DLC1: variants seen among roughly 807,000 people sequenced by gnomAD.
The protein encoded by DLC1 is rho GTPase-activating protein 7.
Under a neutral mutation model 140.3 loss-of-function variants are expected in DLC1, and 54 were observed. That is an observed-to-expected ratio of 0.38 (90% CI 0.31 to 0.48). The LOEUF (loss-of-function observed/expected upper bound fraction) is 0.48. Ranked by LOEUF, DLC1 falls within the 20% of genes least tolerant of loss-of-function variation. DLC1 has a pLI of 0.96. For missense variants in DLC1, 2,536 were observed against 1,907.0 expected (o/e 1.33, Z -6.14); for synonymous variants, 986 against 728.1 (o/e 1.35, Z -5.70).
chr8:13,334,158 A>G (rs1833720771), intron 4 of DLC1, among the ~76,000 whole-genome samples: 1 of 152,166 alleles, frequency 6.6e-6, no homozygotes, highest in African/African-American at 2.4e-5. Context: ...TGGTGGTGAC[A>G]TTTGAGTTGC....
rs760869910 is a variant in DLC1, at chr8:13,085,899, A to G, written c.4499T>C (p.Phe1500Ser). The part of the protein sequence containing the change: ...GHMPEWYTKS[F>S]GHLCAAEVVK... ...AACTTCAGCTGCACACAAATGTCCA[A>G]AAGATTTTGTGTACCATTCTGGCAT... The change falls in exon 18 of 18, where the codon TTT becomes TCT. Residue 1500 changes from phenylalanine to serine, a missense_variant. Physicochemically the swap from Phe to Ser is radical, Grantham distance 155 (BLOSUM62 -2). Coordinates refer to ENST00000276297, the MANE Select transcript of DLC1 (RefSeq NM_182643.3). 1.2e-6 allele frequency: 2 copies of G among 1,614,194 alleles called. No homozygotes were observed. Among genetic ancestry groups the G allele is most frequent in the Non-Finnish European group, 1.7e-6 (2 of 1,180,038 alleles).
chr8:13,329,132 A>T (rs1833488736), intron 4 of DLC1, among the ~76,000 whole-genome samples: 1 of 152,154 alleles, frequency 6.6e-6, no homozygotes, highest in Non-Finnish European at 1.5e-5. Context: ...AAAGATGAAG[A>T]ATCGAGTCCT....
At chr8:13,348,094 CAAACAAACAAACAAAT>C (rs965350567) in intron 4 of DLC1, among the ~76,000 whole-genome samples, 2 of 99,322 alleles carry the variant, frequency 2.0e-5, no homozygotes, top group African/African-American at 6.8e-5. Flanking sequence ...ATCTCAAAAA[CAAACAAACAAACAAAT>C]AAACAAACAA....
At position 13,273,250 on chromosome 8, in the gene DLC1, A is replaced by C. The variant is rs181215135; in HGVS notation, c.1348+32019T>G. 2.2e-3 allele frequency among the ~76,000 whole-genome samples: 338 copies of C among 152,300 alleles called. 3 individuals carry two copies. Among genetic ancestry groups the C allele is most frequent in the African/African-American group, 7.6e-3 (314 of 41,572 alleles). The stretch of plus-strand genomic sequence containing the variant: ...ATCAAAGGGGAGGGGGTGAGAGCAC[A>C]GAGGAGCTTTAAGAAGGAAGCACAC... On this transcript the variant is annotated intron_variant, in intron 5 of 17. Transcript: ENST00000276297.
At chr8:13,177,760 C>A (rs1488050520) in intron 5 of DLC1, among the ~76,000 whole-genome samples, 3 of 152,034 alleles carry the variant, frequency 2.0e-5, no homozygotes, top group African/African-American at 7.2e-5. Context: ...GGTTCTTGGA[C>A]AGAGAATCAT....
intron 4 of DLC1, 25 bp downstream of exon 4, chr8:13,393,528 C>A: frequency 6.2e-7 from 1 of 1,605,998 alleles, no homozygotes. Context: ...CACGTAGAGA[C>A]TCTCTGTTAT....
At chr8:13,157,538 T>A (rs916628010) in intron 5 of DLC1, among the ~76,000 whole-genome samples, 14 of 152,184 alleles carry the variant, frequency 9.2e-5, no homozygotes, top group African/African-American at 3.4e-4. Context: ...ACACACCTAC[T>A]TTTTATTGGC....
At chr8:13,181,073 T>A (rs28634989) in intron 5 of DLC1, among the ~76,000 whole-genome samples, 1 of 151,868 alleles carries the variant, frequency 6.6e-6, no homozygotes, top group African/African-American at 2.4e-5. Flanking sequence ...TCCCTTCTGT[T>A]ACCTTTCTGG....
intron 5 of DLC1, among the ~76,000 whole-genome samples, chr8:13,234,741 T>C (rs1346835432): frequency 6.6e-6 from 1 of 152,104 alleles, no homozygotes; most frequent in East Asian, 1.9e-4. Flanking sequence ...GATTAAAATT[T>C]GAAGCCACAT....
intron 1 of DLC1, among the ~76,000 whole-genome samples, chr8:13,553,692 A>T (rs2078209610): frequency 6.6e-6 from 1 of 151,774 alleles, no homozygotes; most frequent in Non-Finnish European, 1.5e-5. Context: ...AAATTTTTAA[A>T]AGAGTTCTCT....
At chr8:13,153,526 G>C (rs1326051316) in intron 5 of DLC1, among the ~76,000 whole-genome samples, 2 of 152,192 alleles carry the variant, frequency 1.3e-5, no homozygotes, top group Non-Finnish European at 2.9e-5. Context: ...GCTGGCTCCA[G>C]CAGCCTGCTC....
At chr8:13,431,759 C>T (rs1190960372) in intron 2 of DLC1, among the ~76,000 whole-genome samples, 1 of 151,834 alleles carries the variant, frequency 6.6e-6, no homozygotes, top group Non-Finnish European at 1.5e-5. Context: ...ATCTGTAGGG[C>T]TTGGGAAAGG....
chr8:13,193,045 G>C (rs1257588772), intron 5 of DLC1, among the ~76,000 whole-genome samples: 8 of 152,074 alleles, frequency 5.3e-5, no homozygotes, highest in African/African-American at 1.9e-4. Context: ...CTGTTCCCTT[G>C]TCCCAAACCA....
intron 5 of DLC1, among the ~76,000 whole-genome samples, chr8:13,277,762 T>C (rs529114537): frequency 1.1e-4 from 17 of 152,324 alleles, no homozygotes; most frequent in African/African-American, 3.6e-4. Flanking sequence ...AATATTGGCA[T>C]AAGACATCTA....
intron 1 of DLC1, among the ~76,000 whole-genome samples, chr8:13,551,493 C>G (rs1376988521): frequency 6.6e-6 from 1 of 152,052 alleles, no homozygotes. Flanking sequence ...CCTCCAACCT[C>G]TTTCACAATA....
rs5889435 is a variant in DLC1 at position 13,332,434 on chromosome 8, CT to C, written c.1315-27133del. On this transcript the variant is annotated intron_variant, in intron 4 of 17. Transcript: ENST00000276297. Reference sequence around the variant, plus strand: ...TCACTATTGACTGATTTTCTTTTGTCTTTTTTTTTTTTTTAAGATGGGGTCT... The same window carrying C: ...TCACTATTGACTGATTTTCTTTTGTCTTTTTTTTTTTTTAAGATGGGGTCT... 5.5e-4 allele frequency among the ~76,000 whole-genome samples: 81 copies of C among 148,118 alleles called. 1 individual carries two copies. Among genetic ancestry groups the C allele is most frequent in the African/African-American group, 1.6e-3 (66 of 40,334 alleles).
chr8:13,120,839 G>A (rs972306976), intron 5 of DLC1, among the ~76,000 whole-genome samples: 5 of 152,018 alleles, frequency 3.3e-5, no homozygotes, highest in Non-Finnish European at 7.4e-5. Flanking sequence ...ACATTTCCTG[G>A]CATGACGGGA....
At chr8:13,509,059 C>T (rs969623606) in intron 1 of DLC1, among the ~76,000 whole-genome samples, 1 of 152,186 alleles carries the variant, frequency 6.6e-6, no homozygotes, top group South Asian at 2.1e-4. Flanking sequence ...GATGGCAAAG[C>T]AGTATGATTG....
At chr8:13,482,168 A>G (rs1210347210) in intron 2 of DLC1, among the ~76,000 whole-genome samples, 2 of 152,180 alleles carry the variant, frequency 1.3e-5, no homozygotes, top group African/African-American at 4.8e-5. Context: ...GTCAAAGAAT[A>G]TTTGTTAAAT....
Sources: allele counts gnomAD v4.1 joint callset (sites outside exome capture counted in the v4.1 genomes callset), GRCh38; gene constraint gnomAD v4.1.1; transcripts MANE v1.5; gene names NCBI Gene and HGNC (gene_info 2026-07-23, HGNC 2026-07-21).